The following KCNIP4 variants were observed in gnomAD, a reference collection of about 807,000 sequenced individuals.
KCNIP4 encodes the protein potassium voltage-gated channel interacting protein 4.
KCNIP4 carries 12 observed loss-of-function variants against 34.0 expected under a neutral mutation model. The ratio of observed to expected loss-of-function variants is 0.35; its 90% CI spans 0.23 to 0.57. The LOEUF (loss-of-function observed/expected upper bound fraction) is 0.57. Among genes scored for constraint, KCNIP4 ranks in the 20% least tolerant of loss-of-function variants. The pLI is 0.83. For synonymous variants in KCNIP4, 124 were observed against 102.2 expected (o/e 1.21, Z -1.29); for missense variants, 238 against 311.7 (o/e 0.76, Z 1.78).
At chr4:21,121,137 G>A (rs577894064) in intron 1 of KCNIP4, among the ~76,000 whole-genome samples, 3 of 152,320 alleles carry the variant, frequency 2.0e-5, no homozygotes, top group African/African-American at 7.2e-5. Context: ...GGCTGGGCAA[G>A]GCAGGAGACA....
chr4:21,519,330 GGA>G (rs551344317), intron 1 of KCNIP4, among the ~76,000 whole-genome samples: 85 of 135,900 alleles, frequency 6.3e-4, no homozygotes, highest in East Asian at 3.8e-3. Context: ...AGAAATAATA[GGA>G]GAGAGAGAGA....
At chr4:21,022,135 T>C (rs1465789224) in intron 1 of KCNIP4, among the ~76,000 whole-genome samples, 1 of 152,136 alleles carries the variant, frequency 6.6e-6, no homozygotes, top group Non-Finnish European at 1.5e-5. Flanking sequence ...TTTCAGTTCA[T>C]TGTTGACCCA....
At chr4:21,370,838 TATATATATATATACACACACACAC>T (rs1720325702) in intron 1 of KCNIP4, among the ~76,000 whole-genome samples, 2 of 30,780 alleles carry the variant, frequency 6.5e-5, no homozygotes, top group Non-Finnish European at 1.0e-4. Context: ...TATATATATA[TATATATATATATACACACACACAC>T]ACACACACAC....
intron 1 of KCNIP4, among the ~76,000 whole-genome samples, chr4:21,631,982 A>G (rs1745796184): frequency 6.6e-6 from 1 of 152,214 alleles, no homozygotes; most frequent in Non-Finnish European, 1.5e-5. Context: ...ATTAAGAATT[A>G]TGCCATCTTT....
At chr4:21,896,173 T>G (rs1272841459) in intron 1 of KCNIP4, among the ~76,000 whole-genome samples, 1 of 152,184 alleles carries the variant, frequency 6.6e-6, no homozygotes, top group African/African-American at 2.4e-5. Flanking sequence ...ATATGAAATT[T>G]CACTATTTGC....
chr4:21,649,858 C>G (rs990594184), intron 1 of KCNIP4, among the ~76,000 whole-genome samples: 2 of 152,094 alleles, frequency 1.3e-5, no homozygotes, highest in African/African-American at 4.8e-5. Flanking sequence ...GATTAATGAC[C>G]TCTAAGTGTG....
At chr4:21,451,014 AAC>A (rs1194851901) in intron 1 of KCNIP4, among the ~76,000 whole-genome samples, 1 of 152,146 alleles carries the variant, frequency 6.6e-6, no homozygotes. Context: ...TGTGGTTTTA[AAC>A]ACAGAGCAAA....
chr4:21,592,204 C>T (rs1742273972), intron 1 of KCNIP4, among the ~76,000 whole-genome samples: 3 of 152,062 alleles, frequency 2.0e-5, no homozygotes, highest in African/African-American at 7.2e-5. Context: ...GAGATAACAT[C>T]TGTTTTTTTG....
At chr4:21,054,540 G>A (rs1170224045) in intron 1 of KCNIP4, among the ~76,000 whole-genome samples, 2 of 149,966 alleles carry the variant, frequency 1.3e-5, no homozygotes, top group African/African-American at 2.4e-5. Flanking sequence ...AAAAAGAATA[G>A]ACAAAGAGGT....
intron 1 of KCNIP4, among the ~76,000 whole-genome samples, chr4:21,304,327 G>C (rs1049341280): frequency 6.6e-6 from 1 of 152,176 alleles, no homozygotes; most frequent in Non-Finnish European, 1.5e-5. Context: ...TCGCGGCGCA[G>C]ATCACCCGAG....
At chr4:21,357,202 C>A (rs1010900508) in intron 1 of KCNIP4, among the ~76,000 whole-genome samples, 4 of 152,122 alleles carry the variant, frequency 2.6e-5, no homozygotes, top group African/African-American at 9.7e-5. Context: ...GGACCTAAAA[C>A]CATAAAAACC....
chr4:21,900,325 C>A (rs1277073678), intron 1 of KCNIP4, among the ~76,000 whole-genome samples: 1 of 152,074 alleles, frequency 6.6e-6, no homozygotes, highest in Non-Finnish European at 1.5e-5. Context: ...AAATAGAAAA[C>A]CAGAGTGTCC....
At chr4:20,910,879 T>C in intron 1 of KCNIP4, among the ~76,000 whole-genome samples, 1 of 152,168 alleles carries the variant, frequency 6.6e-6, no homozygotes, top group East Asian at 1.9e-4. Flanking sequence ...CTAGAGGCAG[T>C]CTTTGGACCT....
chr4:21,768,992 CT>C (rs1220384504), intron 1 of KCNIP4, among the ~76,000 whole-genome samples: 3 of 151,664 alleles, frequency 2.0e-5, no homozygotes, highest in Admixed American at 6.6e-5. Context: ...GTTTTAAAAC[CT>C]TATACTCAGC....
At chr4:20,819,603 A>T (rs953118350) in intron 3 of KCNIP4, among the ~76,000 whole-genome samples, 2 of 152,228 alleles carry the variant, frequency 1.3e-5, no homozygotes, top group Non-Finnish European at 2.9e-5. Context: ...GTTTGAATGG[A>T]TGAGGTCCCT....
At chr4:20,758,692 G>A (rs1057053920) in intron 4 of KCNIP4, 129 bp downstream of exon 4, 1 of 709,902 alleles carries the variant, frequency 1.4e-6, no homozygotes, top group Non-Finnish European at 2.4e-6. Context: ...ATATACACTT[G>A]CATGCTGTGC....
chr4:21,774,410 T>G (rs1417528889), intron 1 of KCNIP4, among the ~76,000 whole-genome samples: 2 of 152,162 alleles, frequency 1.3e-5, no homozygotes, highest in African/African-American at 4.8e-5. Flanking sequence ...GATGATTATG[T>G]GTCTTCGGGT....
rs149317011 is a variant in KCNIP4, at chr4:21,879,582, T to C, written c.61+68989A>G. Among the ~76,000 whole-genome samples, 450 of 152,330 alleles carry C rather than the reference T, an allele frequency of 3.0e-3. 1 individual carries two copies. Among genetic ancestry groups the C allele is most frequent in the Middle Eastern group, 0.017 (5 of 294 alleles). On this transcript the variant is annotated intron_variant, in intron 1 of 8. Coordinates refer to ENST00000382152, the MANE Select transcript of KCNIP4 (RefSeq NM_025221.6). The stretch of plus-strand genomic sequence containing the variant: ...CCTGAATATAAAGTCATGTCTTGCA[T>C]ATTGTAAAGATGTAGAAAACACAGG...
intron 1 of KCNIP4, among the ~76,000 whole-genome samples, chr4:21,797,732 T>G (rs1232767705): frequency 6.6e-6 from 1 of 152,206 alleles, no homozygotes; most frequent in South Asian, 2.1e-4. Context: ...CCTTCAATAT[T>G]ATACCAAAGA....
Sources: allele counts gnomAD v4.1 joint callset (sites outside exome capture counted in the v4.1 genomes callset), GRCh38; gene constraint gnomAD v4.1.1; transcripts MANE v1.5; gene names NCBI Gene and HGNC (gene_info 2026-07-23, HGNC 2026-07-21).